Variants in SARDH observed in about 807,000 individuals in gnomAD.
The protein encoded by SARDH is sarcosine dehydrogenase.
In SARDH, 95 loss-of-function variants were observed where a neutral mutation model predicts 109.1. The observed-to-expected ratio is 0.87, with a 90% CI of 0.74 to 1.03. The LOEUF (loss-of-function observed/expected upper bound fraction) is 1.03, where lower values mean the gene tolerates loss of function less well. Among genes scored for constraint, SARDH ranks in the 50% least tolerant of loss-of-function variants. The pLI, the probability that SARDH is intolerant of heterozygous loss-of-function variation, is 0.00. For synonymous variants in SARDH, 572 were observed against 534.8 expected, an observed-to-expected ratio of 1.07 and a Z score of -0.96; for missense variants, 1,267 against 1,287.8, an observed-to-expected ratio of 0.98 and a Z score of 0.25.
At chr9:133,700,560 G>C (rs980888720) in intron 13 of SARDH, among the ~76,000 whole-genome samples, 46 of 152,108 alleles carry the variant, frequency 3.0e-4, no homozygotes, top group African/African-American at 1.0e-3. Flanking sequence ...GGTGAGGTGT[G>C]GGGTATCTTT....
At chr9:133,696,083 G>A in intron 14 of SARDH, 140 bp downstream of exon 14, 3 of 970,292 alleles carry the variant, frequency 3.1e-6, no homozygotes, top group East Asian at 2.6e-5. Context: ...CGGACGGGGG[G>A]GAGCTCAAAG....
At chr9:133,668,300 TCTCCCTCCCTCTCCCC>T (rs1830150199) in intron 19 of SARDH, among the ~76,000 whole-genome samples, 2 of 50,128 alleles carry the variant, frequency 4.0e-5, no homozygotes, top group South Asian at 1.7e-3. Flanking sequence ...TCTCCCTCCC[TCTCCCTCCCTCTCCCC>T]CACCCTCCCT....
chr9:133,721,979 C>T (rs1038154395), intron 6 of SARDH, among the ~76,000 whole-genome samples: 33 of 151,976 alleles, frequency 2.2e-4, no homozygotes, highest in Non-Finnish European at 4.1e-4. Context: ...AGCTGGGTGT[C>T]GTGGCACATG....
intron 2 of SARDH, among the ~76,000 whole-genome samples, chr9:133,733,239 C>G (rs1832748757): frequency 6.6e-6 from 1 of 152,184 alleles, no homozygotes; most frequent in South Asian, 2.1e-4. Flanking sequence ...CAGTCAGTGA[C>G]CTCACACTGG....
chr9:133,732,733 TG>T (rs1235869023), intron 2 of SARDH, 132 bp from the exon 3 acceptor site: 7 of 998,260 alleles, frequency 7.0e-6, no homozygotes, highest in Admixed American at 5.8e-5. Flanking sequence ...CTGCAGGACC[TG>T]GGGGGCCTGG....
At chr9:133,729,098 G>C (rs541132664) in intron 6 of SARDH, among the ~76,000 whole-genome samples, 1 of 152,126 alleles carries the variant, frequency 6.6e-6, no homozygotes, top group East Asian at 1.9e-4. Context: ...GGCATGGATA[G>C]ATACGGGAGT....
At chr9:133,737,890 T>A (rs1265321707) in intron 1 of SARDH, among the ~76,000 whole-genome samples, 1 of 152,154 alleles carries the variant, frequency 6.6e-6, no homozygotes, top group Non-Finnish European at 1.5e-5. Context: ...GCCCTGGGCT[T>A]GGGATCAGAC....
At chr9:133,721,110 T>C (rs948800621) in intron 6 of SARDH, among the ~76,000 whole-genome samples, 1 of 151,746 alleles carries the variant, frequency 6.6e-6, no homozygotes, top group Non-Finnish European at 1.5e-5. Context: ...TCGAGAAAAA[T>C]GTCCAAGCAA....
rs370215963 is a variant in SARDH, at chr9:133,674,379, T to C, written c.2164-2682A>G. On this transcript the variant is annotated intron_variant, in intron 17 of 20. Transcript: ENST00000439388. Reference sequence around the variant, plus strand: ...GTCCCGGCACGTCGTCCTTGGCCACTCTGACTCAGGTGGGCTCTGAAAGCC... The same window carrying C: ...GTCCCGGCACGTCGTCCTTGGCCACCCTGACTCAGGTGGGCTCTGAAAGCC... Among the ~76,000 whole-genome samples the C allele has an allele frequency of 7.2e-5, 11 of 152,352 alleles. No homozygotes were observed. The East Asian group carries it at 1.7e-3, about 24-fold the overall frequency.
At chr9:133,700,332 ATAAAT>A (rs1038215937) in intron 13 of SARDH, among the ~76,000 whole-genome samples, 28 of 152,004 alleles carry the variant, frequency 1.8e-4, no homozygotes, top group African/African-American at 6.8e-4. Flanking sequence ...ATCTCAAAAA[ATAAAT>A]AAATAAATAA....
At chr9:133,710,008 C>A (rs1277008734) in intron 10 of SARDH, among the ~76,000 whole-genome samples, 1 of 152,144 alleles carries the variant, frequency 6.6e-6, no homozygotes, top group Admixed American at 6.6e-5. Flanking sequence ...CCTACAGAGT[C>A]CCAGCTGCCA....
In SARDH at chr9:133,717,257, A is replaced by G. The variant is rs112637634; in HGVS notation, c.1150+69T>C. 8,029 of 1,579,028 alleles carry G rather than the reference A, an allele frequency of 5.1e-3. 396 individuals are homozygous for G. In the African/African-American group the frequency reaches 0.094, roughly 18 times the overall value. On this transcript the variant is annotated intron_variant, in intron 8 of 20. Transcript: ENST00000439388. The stretch of plus-strand genomic sequence containing the variant: ...GTGACACAGGCTGGTCTCACGGGGC[A>G]TCACTACTAACAGTCATCAGACCAA...
chr9:133,698,009 T>TAAAAAAAAAAAAAAAAAAAAAA (rs371381068), intron 13 of SARDH, among the ~76,000 whole-genome samples: 1 of 95,706 alleles, frequency 1.0e-5, no homozygotes, highest in Non-Finnish European at 2.1e-5. Flanking sequence ...AGGAATCCAC[T>TAAAAAAAAAAAAAAAAAAAAAA]AAAAAAAAAA....
chr9:133,689,174 T>C (rs1588406027), intron 16 of SARDH, among the ~76,000 whole-genome samples: 2 of 151,536 alleles, frequency 1.3e-5, no homozygotes, highest in African/African-American at 2.4e-5. Flanking sequence ...TGGAGACTCA[T>C]CTCCCCCCCA....
At chr9:133,700,897 C>T (rs1483740570) in intron 13 of SARDH, among the ~76,000 whole-genome samples, 1 of 152,190 alleles carries the variant, frequency 6.6e-6, no homozygotes, top group African/African-American at 2.4e-5. Context: ...CAGAGGTGCC[C>T]ACCTCATTGT....
In SARDH at chr9:133,671,557, G is replaced by A. The variant is rs129932; in HGVS notation, c.2304C>T (p.Ile768=). The part of the protein sequence containing the change: ...HGLINAGYRA[I]DSLSIEKGYR... ...CACCTTTCTCAATGCTCAGGGAGTC[G>A]ATGGCGCGGTACCCTGCGTTGATGA... is the stretch of plus-strand genomic sequence containing the variant. Residue 768 remains isoleucine, a synonymous_variant, in exon 18 of 21, where the codon ATC becomes ATT. Coordinates refer to ENST00000439388, the MANE Select transcript of SARDH (RefSeq NM_001134707.2). 746,612 of 1,605,978 alleles carry A rather than the reference G, an allele frequency of 0.46. 178,125 individuals carry two copies. The highest frequency in any genetic ancestry group is 0.78 in the East Asian group (34,733 of 44,634).
chr9:133,695,637 G>C (rs1831258098), intron 14 of SARDH, among the ~76,000 whole-genome samples: 1 of 145,146 alleles, frequency 6.9e-6, no homozygotes, highest in South Asian at 2.2e-4. Context: ...CCAGAACCGT[G>C]ACAATAAATT....
chr9:133,694,309 TGACA>T lies in SARDH; in HGVS notation c.1866_1869del (p.Val623AlafsTer59). ...GCCTGGTGGCTGGGTGCCAGGCGGC[TGACA>T]GTCAGGTCACTCTCGGTGCCCCCAC... is the stretch of plus-strand genomic sequence containing the variant. On this transcript the variant is annotated frameshift_variant, in exon 15 of 21. Coordinates refer to ENST00000439388, the MANE Select transcript of SARDH (RefSeq NM_001134707.2). LOFTEE classifies it high-confidence loss of function. The T allele has an allele frequency of 1.3e-6, 2 of 1,550,544 alleles. No individual in the cohort carries two copies. The highest frequency in any genetic ancestry group is 8.7e-7 in the Non-Finnish European group (1 of 1,146,906).
downstream of SARDH, among the ~76,000 whole-genome samples, chr9:133,662,511 G>A (rs1473606503): frequency 1.3e-5 from 2 of 152,170 alleles, no homozygotes; most frequent in Non-Finnish European, 2.9e-5. This position sits in a 1 kb window ranked among gnomAD's most constrained non-coding sequence, Gnocchi z 5.1. Context: ...TCAGCCTGAA[G>A]CGTGTGAAAG....
Sources: allele counts gnomAD v4.1 joint callset (sites outside exome capture counted in the v4.1 genomes callset), GRCh38; gene constraint gnomAD v4.1.1; non-coding constraint Gnocchi (gnomAD v3.1); transcripts MANE v1.5; gene names NCBI Gene and HGNC (gene_info 2026-07-23, HGNC 2026-07-21).